The following LRRFIP2 variants were observed in gnomAD, a reference collection of about 807,000 sequenced individuals.
The protein encoded by LRRFIP2 is leucine-rich repeat flightless-interacting protein 2.
In LRRFIP2, 109 loss-of-function variants were observed where a neutral mutation model predicts 125.9. The ratio of observed to expected loss-of-function variants is 0.87; its 90% CI spans 0.74 to 1.01. LRRFIP2 has a LOEUF of 1.01. LRRFIP2 is among the 50% of genes least tolerant of loss of function. The probability of loss-of-function intolerance (pLI) is 0.00; values close to 1 mark genes in which losing one functional copy is unlikely to be tolerated. For missense variants in LRRFIP2, 850 were observed against 862.3 expected (o/e 0.99, Z 0.18); for synonymous variants, 291 against 293.1 (o/e 0.99, Z 0.07).
At chr3:37,107,889 C>T (rs934390595) in intron 13 of LRRFIP2, among the ~76,000 whole-genome samples, 184 bp downstream of exon 13, 6 of 152,144 alleles carry the variant, frequency 3.9e-5, no homozygotes, top group Non-Finnish European at 7.4e-5. Context: ...CATGCTAAGT[C>T]ACATTTATAG....
chr3:37,124,750 AAAG>A (rs1363324609), intron 4 of LRRFIP2, among the ~76,000 whole-genome samples: 2 of 152,224 alleles, frequency 1.3e-5, no homozygotes, highest in African/African-American at 4.8e-5. Context: ...AGAAAAAAAG[AAAG>A]AAAGAAAATG....
At chr3:37,121,853 TG>T (rs2095060474) in intron 4 of LRRFIP2, among the ~76,000 whole-genome samples, 162 bp from the exon 5 acceptor site, 1 of 66,574 alleles carries the variant, frequency 1.5e-5, no homozygotes, top group African/African-American at 3.9e-5. Flanking sequence ...TGTGTGTGTG[TG>T]TGTGTGTGTG....
chr3:37,170,160 A>G (rs1247793705), intron 1 of LRRFIP2, among the ~76,000 whole-genome samples: 1 of 152,212 alleles, frequency 6.6e-6, no homozygotes, highest in Non-Finnish European at 1.5e-5. Flanking sequence ...AATTTCCTCC[A>G]GTCACAACCT....
At chr3:37,062,410 A>G (rs934855950) in intron 24 of LRRFIP2, among the ~76,000 whole-genome samples, 3 of 152,122 alleles carry the variant, frequency 2.0e-5, no homozygotes, top group Non-Finnish European at 2.9e-5. Flanking sequence ...ATGGGAGGGG[A>G]AAAAAATCAG....
chr3:37,121,838 A>T (rs1403817864), intron 4 of LRRFIP2, 147 bp from the exon 5 acceptor site: 1 of 637,328 alleles, frequency 1.6e-6, no homozygotes, highest in Non-Finnish European at 2.8e-6. Context: ...GGGCAGCCAC[A>T]TTCGTGTGTG....
intron 1 of LRRFIP2, among the ~76,000 whole-genome samples, chr3:37,169,751 T>C (rs772249112): frequency 6.6e-6 from 1 of 152,156 alleles, no homozygotes. Context: ...ATCTGTTATA[T>C]CAAAAGTAGT....
At chr3:37,082,191 CT>C (rs1215248744) in intron 19 of LRRFIP2, among the ~76,000 whole-genome samples, 1 of 151,950 alleles carries the variant, frequency 6.6e-6, no homozygotes, top group Non-Finnish European at 1.5e-5. Flanking sequence ...TCCAGAGGCT[CT>C]AGGAAAAGCA....
chr3:37,119,733 T>C (rs2094942215), intron 6 of LRRFIP2, among the ~76,000 whole-genome samples: 1 of 152,146 alleles, frequency 6.6e-6, no homozygotes. Flanking sequence ...CGATCTCAGC[T>C]CACTGCAACC....
At chr3:37,074,251 T>A (rs967806960) in intron 20 of LRRFIP2, among the ~76,000 whole-genome samples, 1 of 152,200 alleles carries the variant, frequency 6.6e-6, no homozygotes, top group Non-Finnish European at 1.5e-5. Flanking sequence ...AGTGTGGTTG[T>A]GAGATCTCTC....
At chr3:37,110,928 G>C (rs1389190361) in intron 9 of LRRFIP2, 63 bp downstream of exon 9, 1 of 1,467,408 alleles carries the variant, frequency 6.8e-7, no homozygotes, top group African/African-American at 1.4e-5. Context: ...AATGCAAAAT[G>C]GGGAGATTAG....
chr3:37,142,966 G>C (rs2095751821), intron 2 of LRRFIP2, among the ~76,000 whole-genome samples: 1 of 152,134 alleles, frequency 6.6e-6, no homozygotes, highest in South Asian at 2.1e-4. Flanking sequence ...GGTCATCGGG[G>C]TGGATCCCTC....
intron 2 of LRRFIP2, among the ~76,000 whole-genome samples, chr3:37,140,003 T>G (rs2095652387): frequency 6.6e-6 from 1 of 152,212 alleles, no homozygotes; most frequent in Non-Finnish European, 1.5e-5. Context: ...TTTTCTATTC[T>G]TATCTCATCT....
intron 2 of LRRFIP2, chr3:37,134,989 A>T: frequency 6.6e-7 from 1 of 1,516,558 alleles, no homozygotes; most frequent in Admixed American, 1.7e-5. Flanking sequence ...GTTCACTGCT[A>T]TGTGATCCAA....
chr3:37,116,621 CTTG>C (rs1252029414), intron 6 of LRRFIP2, among the ~76,000 whole-genome samples: 1 of 151,966 alleles, frequency 6.6e-6, no homozygotes, highest in East Asian at 1.9e-4. Flanking sequence ...AAATGTATTT[CTTG>C]TTGTAGAGAT....
chr3:37,100,409 TATAC>T (rs2093971847), intron 15 of LRRFIP2, among the ~76,000 whole-genome samples: 1 of 149,818 alleles, frequency 6.7e-6, no homozygotes, highest in Non-Finnish European at 1.5e-5. Context: ...TGTATGTATA[TATAC>T]ATATACATAC....
At chr3:37,069,039 T>C (rs2090682381) in intron 21 of LRRFIP2, among the ~76,000 whole-genome samples, 1 of 152,124 alleles carries the variant, frequency 6.6e-6, no homozygotes. Context: ...ATACTGAAAA[T>C]GTGTCTTAAA....
intron 1 of LRRFIP2, among the ~76,000 whole-genome samples, chr3:37,151,229 C>A (rs1453727447): frequency 6.6e-6 from 1 of 151,898 alleles, no homozygotes; most frequent in Non-Finnish European, 1.5e-5. Context: ...CGAGGTGGCA[C>A]ATGTCTGTAA....
chr3:37,084,448 G>A (rs1046522561), intron 18 of LRRFIP2, among the ~76,000 whole-genome samples: 1 of 151,992 alleles, frequency 6.6e-6, no homozygotes, highest in Non-Finnish European at 1.5e-5. Context: ...GACTGCTTGA[G>A]CCCAGGAGCT....
chr3:37,145,449 G>C (rs2095834701), intron 2 of LRRFIP2, among the ~76,000 whole-genome samples: 1 of 152,186 alleles, frequency 6.6e-6, no homozygotes, highest in African/African-American at 2.4e-5. Context: ...GGTGTTGCTA[G>C]TACTGTCTTC....
Sources: gnomAD v4.1 joint callset for allele counts (sites outside exome capture counted in the v4.1 genomes callset) on GRCh38, gnomAD v4.1.1 for gene constraint, MANE v1.5 for transcripts, NCBI Gene and HGNC (gene_info 2026-07-23, HGNC 2026-07-21) for gene names.